The following SLC19A1 variants were observed in gnomAD, a reference collection of about 807,000 sequenced individuals.
The protein encoded by SLC19A1 is reduced folate transporter.
SLC19A1 carries 37 observed loss-of-function variants against 35.3 expected under a neutral mutation model. The observed-to-expected ratio is 1.05, with a 90% CI of 0.81 to 1.38. The LOEUF (loss-of-function observed/expected upper bound fraction) is 1.38. Ranked by LOEUF, SLC19A1 falls within the 40% of genes most tolerant of loss-of-function variation. The pLI, the probability that SLC19A1 is intolerant of heterozygous loss-of-function variation, is 0.00. For missense variants in SLC19A1, 831 were observed against 826.9 expected (o/e 1.00, Z -0.06); for synonymous variants, 460 against 398.5 (o/e 1.15, Z -1.84).
chr21:45,545,129 G>A (rs1282245244), upstream of SLC19A1, among the ~76,000 whole-genome samples: 3 of 152,190 alleles, frequency 2.0e-5, no homozygotes, highest in South Asian at 4.1e-4. Flanking sequence ...GTGCAGAGAC[G>A]TGCACATGCA....
At chr21:45,541,584 T>C (rs1012029634) in intron 1 of SLC19A1, among the ~76,000 whole-genome samples, 2 of 152,216 alleles carry the variant, frequency 1.3e-5, no homozygotes, top group Non-Finnish European at 2.9e-5. Context: ...TTTCCTGCTG[T>C]AGCGGTGTTG....
chr21:45,521,811 C>T (rs62214293), intron 5 of SLC19A1, among the ~76,000 whole-genome samples: 1 of 151,376 alleles, frequency 6.6e-6, no homozygotes, highest in Non-Finnish European at 1.5e-5. Flanking sequence ...TACGCACAGG[C>T]CAAAAAAAAA....
intron 4 of SLC19A1, among the ~76,000 whole-genome samples, chr21:45,529,244 G>A (rs1440259683): frequency 6.6e-5 from 10 of 152,266 alleles, no homozygotes; most frequent in African/African-American, 2.4e-4. Flanking sequence ...GGGAGGATGG[G>A]GAAGTACAGG....
At chr21:45,548,101 C>G (rs1046927456), upstream of SLC19A1, among the ~76,000 whole-genome samples, 1 of 152,152 alleles carries the variant, frequency 6.6e-6, no homozygotes, top group Non-Finnish European at 1.5e-5. Context: ...TGGTGGAGTC[C>G]GGCAATAGGA....
chr21:45,509,682 G>T, downstream of SLC19A1: 2 of 825,548 alleles, frequency 2.4e-6, no homozygotes, highest in Non-Finnish European at 4.0e-6. Flanking sequence ...CCCCTGCAGA[G>T]CTGCTGGGGG....
At chr21:45,538,103 C>T in intron 1 of SLC19A1, 95 bp from the exon 2 acceptor site, 2 of 651,908 alleles carry the variant, frequency 3.1e-6, no homozygotes, top group South Asian at 2.2e-5. Context: ...CCTCGCCACT[C>T]AGGACCAAAC....
Position 45,525,833 on chromosome 21 carries a change from A to C in SLC19A1, c.1277T>G (p.Leu426Arg), listed in dbSNP as rs1293551773. 4 of 1,613,304 alleles carry C rather than the reference A, an allele frequency of 2.5e-6. No individual in the cohort carries two copies. The South Asian group carries it at 4.4e-5, about 18-fold the overall frequency. The change falls in exon 5 of 6, where the codon CTC (leucine) becomes CGC (arginine). Residue 426 changes from leucine (L) to arginine (R), a missense_variant. Physicochemically the swap from Leu to Arg is moderately radical, Grantham distance 102. Transcript: ENST00000311124. ...FIVSDVRGLG[L>R]PVRKQFQLYS... The stretch of plus-strand genomic sequence containing the variant: ...TGGGCTCACCTGCTTGCGGACCGGG[A>C]GGCCCAGGCCCCGCACGTCCGAGAC...
At chr21:45,558,276 C>T (rs1480498361) in intron 1 of SLC19A1, among the ~76,000 whole-genome samples, 6 of 152,234 alleles carry the variant, frequency 3.9e-5, no homozygotes, top group Non-Finnish European at 8.8e-5. Context: ...AGGTGGGCCA[C>T]GGCTGGCTGG....
chr21:45,509,430 C>A (rs777642469), downstream of SLC19A1: 6 of 1,533,914 alleles, frequency 3.9e-6, no homozygotes, highest in East Asian at 7.3e-5. Context: ...GGCGGGAGCA[C>A]CCCCACCCCA....
rs911423756 is a variant in SLC19A1, at chr21:45,513,698, A to G, written c.*1960T>C. ...ATGTGAAGCCAATTCAGACAGGCAAATAAAAGTGACCTTTTACACTGACTC... is the reference window on the plus strand; with the variant it reads ...ATGTGAAGCCAATTCAGACAGGCAAGTAAAAGTGACCTTTTACACTGACTC... On this transcript the variant is annotated 3_prime_UTR_variant, in exon 6 of 6. Coordinates refer to ENST00000311124, the MANE Select transcript of SLC19A1 (RefSeq NM_194255.4). 4 of 152,270 alleles carry G rather than the reference A, an allele frequency of 2.6e-5. No homozygotes were observed. The highest frequency in any genetic ancestry group is 5.9e-5 in the Non-Finnish European group (4 of 68,046). The allele number at this position is 152,270 out of a possible 1,614,324, so 9.4% of individuals were successfully genotyped here. A position where few individuals can be genotyped will look rare whatever the true frequency, so the allele number is the denominator to read the frequency against.
chr21:45,515,842 G>C lies in SLC19A1; in HGVS notation c.1592C>G (p.Pro531Arg), dbSNP rs202244244. Residue 531 changes from proline (P) to arginine (R), a missense_variant, in exon 6 of 6, where the codon CCG becomes CGG. Physicochemically the swap from Pro to Arg is moderately radical, Grantham distance 103 (BLOSUM62 -2). Transcript: ENST00000311124. ...TGGGCTCAGGAATTCAGCTGCCTGC[G>C]GGGCCGGGGCCTGGGCCAGGTATGG... Reference protein sequence around the residue: ...SDPYLAQAPAPQAAEFLSPVT... With the variant: ...SDPYLAQAPARQAAEFLSPVT... 8.1e-6 allele frequency: 13 copies of C among 1,601,332 alleles called. No homozygotes were observed. Among genetic ancestry groups the C allele is most frequent in the South Asian group, 1.1e-5 (1 of 89,814 alleles).
rs1398617168 is a variant in SLC19A1 at position 45,534,211 on chromosome 21, G to A, written c.190-2063C>T. ...CACTGTGTTTACAGCAATGTCCTGGGGACATCAAACAGCCCCTCTGTGGGC... is the reference window on the plus strand; with the variant it reads ...CACTGTGTTTACAGCAATGTCCTGGAGACATCAAACAGCCCCTCTGTGGGC... On this transcript the variant is annotated intron_variant, in intron 2 of 5. Coordinates refer to ENST00000311124, the MANE Select transcript of SLC19A1 (RefSeq NM_194255.4). This position sits in a 1 kb window ranked among gnomAD's most constrained non-coding sequence, Gnocchi z 4.2. Among the ~76,000 whole-genome samples the A allele has an allele frequency of 6.6e-6, 1 of 152,198 alleles. No homozygotes were observed. Among genetic ancestry groups the A allele is most frequent in the African/African-American group, 2.4e-5 (1 of 41,458 alleles).
chr21:45,558,638 G>T (rs1483909426), intron 1 of SLC19A1, among the ~76,000 whole-genome samples: 1 of 152,178 alleles, frequency 6.6e-6, no homozygotes, highest in African/African-American at 2.4e-5. Flanking sequence ...GTAGGGAGCG[G>T]AGCTGCTACA....
At chr21:45,552,349 A>C (rs747753747) in intron 1 of SLC19A1, among the ~76,000 whole-genome samples, 14 of 152,116 alleles carry the variant, frequency 9.2e-5, no homozygotes, top group Non-Finnish European at 1.3e-4. Context: ...CAGGGAAAGA[A>C]CAAAACTGCC....
chr21:45,509,506 T>C, downstream of SLC19A1: 1 of 1,527,368 alleles, frequency 6.5e-7, no homozygotes, highest in Non-Finnish European at 8.8e-7. Context: ...GCCCCAGCCC[T>C]ACCCCGGAGC....
At chr21:45,545,544 C>G (rs988296437), upstream of SLC19A1, among the ~76,000 whole-genome samples, 3 of 152,060 alleles carry the variant, frequency 2.0e-5, no homozygotes, top group Non-Finnish European at 4.4e-5. Context: ...CTTTATGATA[C>G]CCAGTCTCTG....
downstream of SLC19A1, chr21:45,507,731 C>A: frequency 1.2e-6 from 1 of 827,032 alleles, no homozygotes; most frequent in Non-Finnish European, 2.0e-6. Context: ...GCCCCTGCTG[C>A]AGAAACTGGT....
At chr21:45,547,672 C>G (rs952795580), upstream of SLC19A1, among the ~76,000 whole-genome samples, 2 of 152,188 alleles carry the variant, frequency 1.3e-5, no homozygotes, top group African/African-American at 2.4e-5. Flanking sequence ...GGTTGTCCCA[C>G]CTTTCCACAC....
chr21:45,506,870 CCAGA>C (rs975397012), intron 3 of SLC19A1: 7 of 190,768 alleles, frequency 3.7e-5, no homozygotes, highest in African/African-American at 1.4e-4. Flanking sequence ...CTGCAGCACC[CCAGA>C]CAGTGAATCC....
Sources: allele counts gnomAD v4.1 joint callset (sites outside exome capture counted in the v4.1 genomes callset), GRCh38; gene constraint gnomAD v4.1.1; non-coding constraint Gnocchi (gnomAD v3.1); transcripts MANE v1.5; gene names NCBI Gene and HGNC (gene_info 2026-07-23, HGNC 2026-07-21).